Variants in NME8 observed in about 807,000 individuals in gnomAD.
NME8 encodes the protein protein NME8.
NME8 carries 72 observed loss-of-function variants against 82.3 expected under a neutral mutation model. The ratio of observed to expected loss-of-function variants is 0.87; its 90% CI spans 0.72 to 1.06. The LOEUF is 1.06. Ranked by LOEUF, NME8 falls within the 50% of genes least tolerant of loss-of-function variation. The pLI is 0.00. For missense variants in NME8, 712 were observed against 685.4 expected (o/e 1.04, Z -0.43); for synonymous variants, 267 against 228.5 (o/e 1.17, Z -1.52).
intron 5 of NME8, among the ~76,000 whole-genome samples, chr7:37,856,951 A>C (rs1485070231): frequency 6.6e-6 from 1 of 152,190 alleles, no homozygotes. Flanking sequence ...GATTTACAGC[A>C]AAAGGAAGTG....
At chr7:37,871,648 C>T (rs746975044) in intron 11 of NME8, among the ~76,000 whole-genome samples, 13 of 152,102 alleles carry the variant, frequency 8.5e-5, no homozygotes, top group Non-Finnish European at 1.8e-4. Context: ...ATGATGACCT[C>T]TGAGCTCACT....
At chr7:37,895,422 T>G (rs1486497171) in intron 16 of NME8, among the ~76,000 whole-genome samples, 1 of 152,140 alleles carries the variant, frequency 6.6e-6, no homozygotes, top group African/African-American at 2.4e-5. Flanking sequence ...TCCACTTTGA[T>G]TTTGAGAGAA....
intron 11 of NME8, among the ~76,000 whole-genome samples, chr7:37,876,229 T>TAGATAGATAGATAG (rs1554364686): frequency 6.8e-6 from 1 of 146,128 alleles, no homozygotes; most frequent in African/African-American, 2.5e-5. Flanking sequence ...TATATATATA[T>TAGATAGATAGATAG]ATAGATAGAT....
intron 11 of NME8, among the ~76,000 whole-genome samples, chr7:37,873,370 A>AAAAAAAAAAAAAAAAAAG (rs796807809): frequency 6.8e-6 from 1 of 147,034 alleles, no homozygotes; most frequent in African/African-American, 2.5e-5. Flanking sequence ...AAAAAAAAAA[A>AAAAAAAAAAAAAAAAAAG]AAAAGAAAAG....
chr7:37,863,349 A>G, intron 7 of NME8, 47 bp from the exon 8 acceptor site: 1 of 1,141,512 alleles, frequency 8.8e-7, no homozygotes, highest in Non-Finnish European at 1.3e-6. Flanking sequence ...TCACTATCAT[A>G]TTAAAACATA....
intron 10 of NME8, among the ~76,000 whole-genome samples, chr7:37,867,223 T>G (rs1784696922): frequency 1.3e-5 from 2 of 151,942 alleles, no homozygotes; most frequent in South Asian, 4.2e-4. Context: ...CCAACAGAAC[T>G]GTTTTAGGGT....
At chr7:37,896,055 G>A (rs1785224613) in intron 16 of NME8, among the ~76,000 whole-genome samples, 1 of 151,994 alleles carries the variant, frequency 6.6e-6, no homozygotes, top group African/African-American at 2.4e-5. Flanking sequence ...ACACACACGT[G>A]TGTATAAAAT....
intron 12 of NME8, among the ~76,000 whole-genome samples, chr7:37,878,446 A>G (rs1005447566): frequency 2.6e-5 from 4 of 152,164 alleles, no homozygotes; most frequent in Non-Finnish European, 5.9e-5. Flanking sequence ...TTGGTGTCAG[A>G]GTAATGCAGG....
intron 17 of NME8, among the ~76,000 whole-genome samples, chr7:37,899,555 A>G (rs1785282692): frequency 1.3e-5 from 2 of 152,086 alleles, no homozygotes; most frequent in Admixed American, 1.3e-4. Flanking sequence ...GAGCATCAGG[A>G]AGAATAGCTA....
chr7:37,853,149 T>G, intron 5 of NME8, among the ~76,000 whole-genome samples: 1 of 152,154 alleles, frequency 6.6e-6, no homozygotes, highest in East Asian at 1.9e-4. Context: ...TGCTAAGGAT[T>G]TTGGCTTATT....
At chr7:37,897,193 A>G (rs1032919313) in intron 17 of NME8, 86 bp downstream of exon 17, 1 of 841,096 alleles carries the variant, frequency 1.2e-6, no homozygotes. Flanking sequence ...AAAGAGAAGA[A>G]CTTTTCCTAA....
chr7:37,895,821 T>C (rs1448544437), intron 16 of NME8, among the ~76,000 whole-genome samples: 8 of 152,208 alleles, frequency 5.3e-5, no homozygotes, highest in Non-Finnish European at 1.0e-4. Context: ...TGTATTACAG[T>C]TGTCTACAGT....
In NME8 at chr7:37,867,788, C is replaced by G. The variant is rs148165570; in HGVS notation, c.708C>G (p.Pro236=). ...CTCAAGGAAGTAAACACAATCCTCCCTCTGAAGAAACCGAACCACAGACTG... is the reference window on the plus strand; with the variant it reads ...CTCAAGGAAGTAAACACAATCCTCCGTCTGAAGAAACCGAACCACAGACTG... ...VVSQGSKHNP[P]SEETEPQTDT... The change falls in exon 11 of 18, where the codon CCC becomes CCG. Residue 236 remains proline, a synonymous_variant. Coordinates refer to ENST00000199447, the MANE Select transcript of NME8 (RefSeq NM_016616.5). 2.5e-6 allele frequency: 4 copies of G among 1,613,742 alleles called. No individual in the cohort carries two copies. The African/African-American group carries it at 5.3e-5, about 22-fold the overall frequency.
chr7:37,874,000 T>G (rs565784780), intron 11 of NME8, among the ~76,000 whole-genome samples: 170 of 152,280 alleles, frequency 1.1e-3, no homozygotes, highest in African/African-American at 4.0e-3. Context: ...TTAGGACTAC[T>G]GGAAGAAAAA....
At chr7:37,859,291 C>T (rs1321640886) in intron 6 of NME8, among the ~76,000 whole-genome samples, 1 of 152,142 alleles carries the variant, frequency 6.6e-6, no homozygotes, top group Non-Finnish European at 1.5e-5. Flanking sequence ...CACCCTTCCT[C>T]ATAGCCATGT....
At chr7:37,889,839 A>T (rs1398970563) in intron 15 of NME8, among the ~76,000 whole-genome samples, 1 of 151,952 alleles carries the variant, frequency 6.6e-6, no homozygotes, top group Non-Finnish European at 1.5e-5. Context: ...AGTTTGATTC[A>T]TCTTGATTTA....
At chr7:37,887,628 C>CT (rs1785064105) in intron 14 of NME8, among the ~76,000 whole-genome samples, 1 of 152,148 alleles carries the variant, frequency 6.6e-6, no homozygotes, top group African/African-American at 2.4e-5. Flanking sequence ...ACCCTCTGAG[C>CT]TTTTTCACTG....
At chr7:37,899,085 G>A (rs894040469) in intron 17 of NME8, among the ~76,000 whole-genome samples, 1 of 151,988 alleles carries the variant, frequency 6.6e-6, no homozygotes, top group Non-Finnish European at 1.5e-5. Flanking sequence ...CCTTTATGTT[G>A]GGAGTGTAAA....
intron 15 of NME8, among the ~76,000 whole-genome samples, chr7:37,891,761 CT>C (rs1391214988): frequency 2.0e-5 from 3 of 151,912 alleles, no homozygotes; most frequent in African/African-American, 7.2e-5. Context: ...TGGTTTTGGG[CT>C]GCTAAAAGCC....
Sources: gnomAD v4.1 joint callset for allele counts (sites outside exome capture counted in the v4.1 genomes callset) on GRCh38, gnomAD v4.1.1 for gene constraint, MANE v1.5 for transcripts, NCBI Gene and HGNC (gene_info 2026-07-23, HGNC 2026-07-21) for gene names.